RIC1: variants seen among roughly 807,000 people sequenced by gnomAD.
The protein encoded by RIC1 is guanine nucleotide exchange factor subunit RIC1.
Under a neutral mutation model 169.0 loss-of-function variants are expected in RIC1, and 88 were observed. The observed-to-expected ratio is 0.52, with a 90% confidence interval of 0.44 to 0.62. The LOEUF (loss-of-function observed/expected upper bound fraction) is 0.62. Ranked by LOEUF, RIC1 falls within the 20% of genes least tolerant of loss-of-function variation. The pLI is 0.00. For synonymous variants in RIC1, 790 were observed against 601.5 expected, an observed-to-expected ratio of 1.31 and a Z score of -4.59; for missense variants, 1,877 against 1,725.5, an observed-to-expected ratio of 1.09 and a Z score of -1.56.
At chr9:5,656,185 A>G (rs1586890040) in intron 1 of RIC1, among the ~76,000 whole-genome samples, 1 of 152,076 alleles carries the variant, frequency 6.6e-6, no homozygotes, top group Non-Finnish European at 1.5e-5. Context: ...TTTTCTTTTC[A>G]TGTAATATCC....
intron 2 of RIC1, among the ~76,000 whole-genome samples, chr9:5,671,798 G>A (rs1820123054): frequency 1.3e-5 from 2 of 152,128 alleles, no homozygotes; most frequent in African/African-American, 4.8e-5. Context: ...GTTCTTTAGG[G>A]AAAGAATAGG....
At chr9:5,737,000 A>G (rs35196466) in intron 7 of RIC1, among the ~76,000 whole-genome samples, 4,284 of 151,604 alleles carry the variant, frequency 0.028, 70 homozygotes, top group Non-Finnish European at 0.033. Flanking sequence ...AAAAAAAACA[A>G]TCTGGTAGTC....
intron 7 of RIC1, among the ~76,000 whole-genome samples, chr9:5,733,042 T>C (rs1824466445): frequency 6.6e-6 from 1 of 152,124 alleles, no homozygotes; most frequent in African/African-American, 2.4e-5. Context: ...ATACTGAACT[T>C]GGTTGAGCTT....
intron 1 of RIC1, among the ~76,000 whole-genome samples, chr9:5,636,183 T>C (rs1817962091): frequency 6.6e-6 from 1 of 152,250 alleles, no homozygotes; most frequent in Non-Finnish European, 1.5e-5. Flanking sequence ...TTCCAATCCA[T>C]GAACATAAGA....
chr9:5,678,175 A>G (rs10975232), intron 2 of RIC1, among the ~76,000 whole-genome samples: 2,368 of 152,010 alleles, frequency 0.016, 35 homozygotes, highest in Middle Eastern at 0.041. Context: ...AAGGACATGA[A>G]CTCATCCTTT....
At chr9:5,765,641 G>A in intron 20 of RIC1, 21 bp from the exon 21 acceptor site, 2 of 1,614,134 alleles carry the variant, frequency 1.2e-6, no homozygotes, top group Non-Finnish European at 1.7e-6. Flanking sequence ...TAATGGTACT[G>A]CATATGGTGT....
intron 7 of RIC1, among the ~76,000 whole-genome samples, chr9:5,734,942 TAATG>T (rs1824609505): frequency 6.6e-6 from 1 of 152,230 alleles, no homozygotes; most frequent in Non-Finnish European, 1.5e-5. Context: ...ATGAGATAAT[TAATG>T]ATAAATCCCT....
At chr9:5,676,730 C>G (rs1690113060) in intron 2 of RIC1, among the ~76,000 whole-genome samples, 1 of 152,176 alleles carries the variant, frequency 6.6e-6, no homozygotes, top group South Asian at 2.1e-4. Context: ...CTCTCAAAAC[C>G]AACGACTGAT....
At chr9:5,652,813 T>C (rs751277253) in intron 1 of RIC1, among the ~76,000 whole-genome samples, 2 of 152,214 alleles carry the variant, frequency 1.3e-5, no homozygotes, top group Non-Finnish European at 2.9e-5. Context: ...CAACTTTTCC[T>C]TATTCAGTAG....
intron 3 of RIC1, among the ~76,000 whole-genome samples, chr9:5,702,698 C>T (rs925947380): frequency 6.6e-6 from 1 of 152,072 alleles, no homozygotes; most frequent in Non-Finnish European, 1.5e-5. Flanking sequence ...GCCGCCATGC[C>T]CGGCTAATTT....
At chr9:5,764,478 G>A (rs1486065768) in intron 19 of RIC1, among the ~76,000 whole-genome samples, 2 of 152,168 alleles carry the variant, frequency 1.3e-5, no homozygotes, top group Admixed American at 1.3e-4. Flanking sequence ...TTGACAAAAG[G>A]GCTTGACAGT....
At chr9:5,715,608 T>C (rs1334528620) in intron 4 of RIC1, among the ~76,000 whole-genome samples, 2 of 152,216 alleles carry the variant, frequency 1.3e-5, no homozygotes, top group Non-Finnish European at 2.9e-5. Context: ...TCACCACAAA[T>C]ATAAGTCAGA....
At chr9:5,664,701 T>A (rs575703627) in intron 2 of RIC1, among the ~76,000 whole-genome samples, 3 of 152,200 alleles carry the variant, frequency 2.0e-5, no homozygotes, top group Non-Finnish European at 4.4e-5. Context: ...TATCCTGAAA[T>A]ATGTTTTCCA....
chr9:5,651,533 T>G (rs985569649), intron 1 of RIC1, among the ~76,000 whole-genome samples: 1 of 150,894 alleles, frequency 6.6e-6, no homozygotes, highest in Non-Finnish European at 1.5e-5. Context: ...TTCATAGTTT[T>G]GGGTCTTACA....
intron 3 of RIC1, among the ~76,000 whole-genome samples, chr9:5,702,456 G>A (rs933464979): frequency 6.6e-6 from 1 of 152,182 alleles, no homozygotes; most frequent in Non-Finnish European, 1.5e-5. Context: ...CTCTTACACG[G>A]CCAGAGCAGG....
rs1827010268 is a variant in RIC1, at chr9:5,769,088, C to T, written c.3256C>T (p.Leu1086=). Residue 1086 remains leucine (L), a synonymous_variant, in exon 22 of 26, where the codon CTG becomes TTG. Transcript: ENST00000414202. ...GGACCTTGGCTGCTTTGCAGCCCAG[C>T]TGGGCTTTGAACTAATTAGTTGGCT... is the stretch of plus-strand genomic sequence containing the variant. ...LKDLGCFAAQ[L]GFELISWLCK... is the part of the protein sequence containing the mutation. 6 of 1,613,998 alleles carry T rather than the reference C, an allele frequency of 3.7e-6. No homozygotes were observed. The highest frequency in any genetic ancestry group is 3.3e-5 in the South Asian group (3 of 91,088).
At chr9:5,757,925 G>C (rs952667975) in intron 17 of RIC1, among the ~76,000 whole-genome samples, 7 of 152,150 alleles carry the variant, frequency 4.6e-5, no homozygotes, top group African/African-American at 1.4e-4. Flanking sequence ...TATGAGTCTT[G>C]TAGATAATAT....
intron 7 of RIC1, among the ~76,000 whole-genome samples, chr9:5,733,924 T>G (rs1436789287): frequency 1.3e-5 from 2 of 151,328 alleles, no homozygotes; most frequent in African/African-American, 4.8e-5. Context: ...TTTGAATGTT[T>G]GGTAGAATTT....
At chr9:5,672,306 A>G (rs1403877067) in intron 2 of RIC1, among the ~76,000 whole-genome samples, 2 of 152,238 alleles carry the variant, frequency 1.3e-5, no homozygotes, top group South Asian at 2.1e-4. Context: ...AACAAGTAAA[A>G]TATGTGGCTC....
Sources: gnomAD v4.1 joint callset for allele counts (sites outside exome capture counted in the v4.1 genomes callset) on GRCh38, gnomAD v4.1.1 for gene constraint, MANE v1.5 for transcripts, NCBI Gene and HGNC (gene_info 2026-07-23, HGNC 2026-07-21) for gene names.